Variants in GUCY2C observed in about 807,000 individuals in gnomAD.
GUCY2C encodes the protein guanylyl cyclase C.
GUCY2C carries 118 observed loss-of-function variants against 131.1 expected under a neutral mutation model. That is an observed-to-expected ratio of 0.90 (90% CI 0.78 to 1.05). The LOEUF (loss-of-function observed/expected upper bound fraction) is 1.05, where lower values mean the gene tolerates loss of function less well. Ranked by LOEUF, GUCY2C falls within the 50% of genes least tolerant of loss-of-function variation. GUCY2C has a pLI of 0.00. For missense variants in GUCY2C, 1,161 were observed against 1,304.4 expected (o/e 0.89, Z 1.69); for synonymous variants, 452 against 457.8 (o/e 0.99, Z 0.16).
chr12:14,653,543 T>G (rs1947707625), intron 12 of GUCY2C, among the ~76,000 whole-genome samples: 1 of 152,240 alleles, frequency 6.6e-6, no homozygotes, highest in Non-Finnish European at 1.5e-5. Flanking sequence ...CTCGTGACAT[T>G]TGTATGTTGG....
intron 15 of GUCY2C, among the ~76,000 whole-genome samples, chr12:14,651,043 G>A (rs1459312655): frequency 6.6e-6 from 1 of 152,120 alleles, no homozygotes; most frequent in Non-Finnish European, 1.5e-5. Context: ...GCAGAACCAA[G>A]AATGATGACC....
intron 19 of GUCY2C, among the ~76,000 whole-genome samples, chr12:14,634,815 T>C (rs572120551): frequency 6.6e-6 from 1 of 152,232 alleles, no homozygotes; most frequent in African/African-American, 2.4e-5. Context: ...GTAGCTATAC[T>C]TATATTAGGT....
At chr12:14,630,379 G>C (rs1020905131) in intron 19 of GUCY2C, among the ~76,000 whole-genome samples, 5 of 152,148 alleles carry the variant, frequency 3.3e-5, no homozygotes, top group Non-Finnish European at 7.4e-5. Flanking sequence ...GCCACAGAGT[G>C]AAATACTGTC....
chr12:14,625,975 T>TA, intron 20 of GUCY2C, 60 bp from the exon 21 acceptor site: 1 of 955,618 alleles, frequency 1.0e-6, no homozygotes, highest in Non-Finnish European at 1.6e-6. Flanking sequence ...GAACATCCAA[T>TA]AAAACAATGG....
intron 20 of GUCY2C, among the ~76,000 whole-genome samples, chr12:14,626,825 G>A (rs1278785935): frequency 6.6e-6 from 1 of 152,096 alleles, no homozygotes; most frequent in Admixed American, 6.5e-5. Context: ...CACCTATTGG[G>A]AAACAGGTGA....
chr12:14,676,347 C>G (rs1592138306), intron 7 of GUCY2C, among the ~76,000 whole-genome samples: 1 of 152,158 alleles, frequency 6.6e-6, no homozygotes. Flanking sequence ...CACCAAAACT[C>G]TCCTGGGCAA....
chr12:14,687,423 C>G (rs530596143), intron 2 of GUCY2C, among the ~76,000 whole-genome samples: 1 of 152,208 alleles, frequency 6.6e-6, no homozygotes, highest in African/African-American at 2.4e-5. Flanking sequence ...AGTTTGAGAC[C>G]AGCCTGAGCA....
chr12:14,695,874 T>C (rs1030553246), intron 1 of GUCY2C, among the ~76,000 whole-genome samples: 10 of 152,094 alleles, frequency 6.6e-5, no homozygotes, highest in African/African-American at 2.2e-4. Context: ...CCCAGGCTGG[T>C]CTTGAACTCC....
intron 1 of GUCY2C, among the ~76,000 whole-genome samples, chr12:14,688,341 T>C (rs1384753572): frequency 6.6e-6 from 1 of 152,174 alleles, no homozygotes; most frequent in East Asian, 1.9e-4. Flanking sequence ...TACGATTCAA[T>C]GACTTTTAGT....
intron 12 of GUCY2C, 150 bp from the exon 13 acceptor site, chr12:14,653,164 T>G: frequency 1.4e-6 from 1 of 722,414 alleles, no homozygotes; most frequent in Non-Finnish European, 2.5e-6. Context: ...CTGTTGTAAT[T>G]GACTTGCTCC....
intron 8 of GUCY2C, among the ~76,000 whole-genome samples, chr12:14,673,481 C>T (rs919018220): frequency 6.6e-6 from 1 of 152,154 alleles, no homozygotes; most frequent in Non-Finnish European, 1.5e-5. Flanking sequence ...AGTAACTTCA[C>T]ATGTTTCGAC....
chr12:14,615,902 GCTTTGCCAGTTGTGAAAAGATTCCAATAA>G (rs1946752941), intron 25 of GUCY2C, among the ~76,000 whole-genome samples: 2 of 152,132 alleles, frequency 1.3e-5, no homozygotes, highest in South Asian at 4.1e-4. Flanking sequence ...TTAATAGCTG[GCTTTGCCAGTTGTGAAAAGATTCCAATAA>G]CTTTGGAAAA....
At chr12:14,647,113 C>T (rs1225374262) in intron 15 of GUCY2C, among the ~76,000 whole-genome samples, 1 of 152,098 alleles carries the variant, frequency 6.6e-6, no homozygotes, top group East Asian at 1.9e-4. Context: ...TGAAAAGGTC[C>T]TATTATCTGA....
intron 1 of GUCY2C, among the ~76,000 whole-genome samples, chr12:14,689,489 G>C (rs1948537561): frequency 1.3e-5 from 2 of 152,146 alleles, no homozygotes; most frequent in African/African-American, 2.4e-5. Context: ...TTGATAAAAA[G>C]CTGTCACATC....
rs529123329 is a variant in GUCY2C at position 14,627,765 on chromosome 12, C to T, written c.2249+881G>A. On this transcript the variant is annotated intron_variant, in intron 20 of 26. Coordinates refer to ENST00000261170, the MANE Select transcript of GUCY2C (RefSeq NM_004963.4). ...ATAAAGTCTCATCCGGACAGGACAGCGAGGAGAAAAAAAAAGGGCTAGAAT... is the reference window on the plus strand; with the variant it reads ...ATAAAGTCTCATCCGGACAGGACAGTGAGGAGAAAAAAAAAGGGCTAGAAT... Among the ~76,000 whole-genome samples the T allele has an allele frequency of 2.6e-5, 4 of 151,624 alleles. No homozygotes were observed. In the South Asian group the frequency reaches 6.2e-4, roughly 24 times the overall value.
chr12:14,694,663 C>T (rs970824580), intron 1 of GUCY2C, among the ~76,000 whole-genome samples: 1 of 152,150 alleles, frequency 6.6e-6, no homozygotes, highest in Non-Finnish European at 1.5e-5. Context: ...AGATCAAATC[C>T]GTTCACTTAT....
At chr12:14,619,336 G>T in intron 23 of GUCY2C, 27 bp from the exon 24 acceptor site, 1 of 1,433,030 alleles carries the variant, frequency 7.0e-7, no homozygotes, top group Non-Finnish European at 9.9e-7. Flanking sequence ...AAAGCAGGAA[G>T]TGGAGGCAAT....
chr12:14,629,726 A>G (rs953611840), intron 19 of GUCY2C, among the ~76,000 whole-genome samples: 1 of 152,208 alleles, frequency 6.6e-6, no homozygotes, highest in Non-Finnish European at 1.5e-5. Context: ...CGTACTGTCC[A>G]TGGTTCTAAC....
At chr12:14,683,931 C>T (rs1948405456) in intron 3 of GUCY2C, among the ~76,000 whole-genome samples, 1 of 152,150 alleles carries the variant, frequency 6.6e-6, no homozygotes, top group African/African-American at 2.4e-5. Flanking sequence ...TACTTTCCAT[C>T]TCTCACCCCA....
Sources: allele counts gnomAD v4.1 joint callset (sites outside exome capture counted in the v4.1 genomes callset), GRCh38; gene constraint gnomAD v4.1.1; transcripts MANE v1.5; gene names NCBI Gene and HGNC (gene_info 2026-07-23, HGNC 2026-07-21).